SGCD: variants seen among roughly 807,000 people sequenced by gnomAD.
SGCD encodes the protein delta-sarcoglycan.
SGCD carries 18 observed loss-of-function variants against 36.6 expected under a neutral mutation model. The observed-to-expected ratio is 0.49, with a 90% CI of 0.34 to 0.73. SGCD has a LOEUF of 0.73. Among genes scored for constraint, SGCD ranks in the 30% least tolerant of loss-of-function variants. SGCD has a pLI of 0.01. For synonymous variants in SGCD, 133 were observed against 130.6 expected, an observed-to-expected ratio of 1.02 and a Z score of -0.12; for missense variants, 387 against 346.7, an observed-to-expected ratio of 1.12 and a Z score of -0.92.
At chr5:156,569,285 G>T (rs1045090252) in intron 4 of SGCD, among the ~76,000 whole-genome samples, 1 of 151,844 alleles carries the variant, frequency 6.6e-6, no homozygotes, top group Non-Finnish European at 1.5e-5. Context: ...ACTAGGAGGA[G>T]ACAGACAAAA....
chr5:156,440,763 A>G (rs1753453000), intron 3 of SGCD, among the ~76,000 whole-genome samples: 1 of 152,178 alleles, frequency 6.6e-6, no homozygotes, highest in Non-Finnish European at 1.5e-5. Flanking sequence ...TACCTCCTTC[A>G]GAGAAACATC....
intron 1 of SGCD, among the ~76,000 whole-genome samples, chr5:155,898,427 A>T (rs943510838): frequency 8.5e-5 from 13 of 152,212 alleles, no homozygotes; most frequent in Non-Finnish European, 1.9e-4. Flanking sequence ...GGGAGTTCAT[A>T]GTCTTTTAGA....
chr5:156,410,094 T>C (rs1193203557), intron 3 of SGCD, among the ~76,000 whole-genome samples: 7 of 152,178 alleles, frequency 4.6e-5, no homozygotes, highest in Non-Finnish European at 1.0e-4. Flanking sequence ...TTGCCTCATG[T>C]TGAAGATTGC....
chr5:155,913,673 C>T (rs1756678428), intron 1 of SGCD, among the ~76,000 whole-genome samples: 1 of 152,042 alleles, frequency 6.6e-6, no homozygotes, highest in Admixed American at 6.5e-5. Flanking sequence ...TCATTCTCTT[C>T]TTCAGACCAT....
intron 1 of SGCD, among the ~76,000 whole-genome samples, chr5:155,971,321 T>C (rs1758002793): frequency 6.6e-6 from 1 of 152,152 alleles, no homozygotes; most frequent in African/African-American, 2.4e-5. Flanking sequence ...AATCCATCTT[T>C]ATCTGATTCA....
chr5:156,727,980 T>A lies in SGCD; in HGVS notation c.576-29601T>A, dbSNP rs142513800. ...AACATTTTGAAATAGCAAAGTGTGC[T>A]GGACACTGTTCTAAGTATCTTACAT... On this transcript the variant is annotated intron_variant, in intron 7 of 8. Coordinates refer to ENST00000337851, the MANE Select transcript of SGCD (RefSeq NM_000337.6). 2.2e-3 allele frequency among the ~76,000 whole-genome samples: 329 copies of A among 152,322 alleles called. 2 individuals are homozygous for A. The highest frequency in any genetic ancestry group is 7.7e-3 in the African/African-American group (320 of 41,570).
chr5:156,187,183 C>A (rs1237010063), intron 3 of SGCD, among the ~76,000 whole-genome samples: 2 of 151,990 alleles, frequency 1.3e-5, no homozygotes, highest in Non-Finnish European at 2.9e-5. Flanking sequence ...AGTTAAATGA[C>A]CACAGCAGAG....
chr5:155,917,809 C>CT lies in SGCD; in HGVS notation c.-282+47395dup, dbSNP rs112340696. On this transcript the variant is annotated intron_variant, in intron 1 of 9. Coordinates refer to the SGCD transcript ENST00000517913. ...TGTTCCCAGAGAAGGAGTTCTATTTCTTTTTTTTTTAACTTCCAGGGTAAG... is the reference window on the plus strand; with the variant it reads ...TGTTCCCAGAGAAGGAGTTCTATTTCTTTTTTTTTTTAACTTCCAGGGTAAG... 8.9e-3 allele frequency among the ~76,000 whole-genome samples: 1,339 copies of CT among 150,016 alleles called. 13 individuals carry two copies. The highest frequency in any genetic ancestry group is 0.011 in the African/African-American group (452 of 40,910).
intron 1 of SGCD, among the ~76,000 whole-genome samples, chr5:156,092,897 C>T (rs1041845121): frequency 6.6e-6 from 1 of 152,226 alleles, no homozygotes; most frequent in East Asian, 1.9e-4. Flanking sequence ...GTTATAGGTA[C>T]TGCCATTTGG....
In SGCD at chr5:155,884,854, A is replaced by G. The variant is rs140582044; in HGVS notation, c.-282+14430A>G. 1.7e-5 allele frequency among the ~76,000 whole-genome samples: 2 copies of G among 119,570 alleles called. 1 individual carries two copies. Among genetic ancestry groups the G allele is most frequent in the African/African-American group, 8.3e-5 (2 of 24,150 alleles). The allele number at this position is 119,570 out of a possible 152,430, so 78.4% of individuals were successfully genotyped here. ...TTAAATGAAAAGCATGTAACAAACA[A>G]CGCAGTACCTGACAAATAATACATG... On this transcript the variant is annotated intron_variant, in intron 1 of 9. Coordinates refer to the SGCD transcript ENST00000517913.
intron 1 of SGCD, among the ~76,000 whole-genome samples, chr5:155,975,714 C>T (rs1436844636): frequency 7.0e-6 from 1 of 142,828 alleles, no homozygotes; most frequent in Non-Finnish European, 1.5e-5. Context: ...ACTGCAACCT[C>T]CGCCTCCTGG....
intron 7 of SGCD, among the ~76,000 whole-genome samples, chr5:156,729,319 G>C (rs1259907743): frequency 2.0e-5 from 3 of 152,134 alleles, no homozygotes; most frequent in Non-Finnish European, 4.4e-5. Flanking sequence ...CCCCCTGACT[G>C]GCATTGACAG....
chr5:156,220,635 T>A (rs952663567), intron 3 of SGCD, among the ~76,000 whole-genome samples: 3 of 152,092 alleles, frequency 2.0e-5, no homozygotes, highest in Non-Finnish European at 4.4e-5. Flanking sequence ...TGTTGCCTAT[T>A]TGAGCTACTG....
At chr5:156,092,012 G>A (rs1761257183) in intron 1 of SGCD, among the ~76,000 whole-genome samples, 1 of 152,228 alleles carries the variant, frequency 6.6e-6, no homozygotes, top group Admixed American at 6.5e-5. Context: ...CATGGACATA[G>A]AGCATGCATG....
chr5:155,728,382 C>T, the SGCD span, among the ~76,000 whole-genome samples: 1 of 152,214 alleles, frequency 6.6e-6, no homozygotes, highest in Non-Finnish European at 1.5e-5. Flanking sequence ...CGGCCGCCTT[C>T]CGCTCAGCCT....
chr5:156,457,706 C>A (rs1455001856), intron 3 of SGCD, among the ~76,000 whole-genome samples: 1 of 152,196 alleles, frequency 6.6e-6, no homozygotes, highest in Non-Finnish European at 1.5e-5. Context: ...TTTCCCTATG[C>A]CGCTCATAGT....
intron 1 of SGCD, among the ~76,000 whole-genome samples, chr5:156,109,211 C>T (rs1761723957): frequency 1.3e-5 from 2 of 152,116 alleles, no homozygotes; most frequent in Admixed American, 6.6e-5. Context: ...TAGTTGCTTA[C>T]CTTCTTGTGA....
chr5:155,920,540 A>T (rs1756854774), intron 1 of SGCD, among the ~76,000 whole-genome samples: 1 of 152,182 alleles, frequency 6.6e-6, no homozygotes, highest in Non-Finnish European at 1.5e-5. Context: ...TAGAAAAGTG[A>T]GGAAGGGAGG....
chr5:156,255,107 T>C (rs1190797221), intron 3 of SGCD, among the ~76,000 whole-genome samples: 1 of 152,136 alleles, frequency 6.6e-6, no homozygotes, highest in Non-Finnish European at 1.5e-5. Context: ...GAAACGTAAA[T>C]GAATTTTGCG....
Sources: allele counts gnomAD v4.1 joint callset (sites outside exome capture counted in the v4.1 genomes callset), GRCh38; gene constraint gnomAD v4.1.1; transcripts MANE v1.5; gene names NCBI Gene and HGNC (gene_info 2026-07-23, HGNC 2026-07-21).